NME7: variants seen among roughly 807,000 people sequenced by gnomAD.
NME7 encodes NME/NM23 family member 7, also known as nucleoside diphosphate kinase 7.
A neutral mutation model predicts 49.1 loss-of-function variants in NME7; 41 were observed. The observed-to-expected ratio is 0.83, with a 90% confidence interval of 0.65 to 1.08. The LOEUF (loss-of-function observed/expected upper bound fraction) is 1.08. Among genes scored for constraint, NME7 ranks in the 50% least tolerant of loss-of-function variants. The pLI, the probability that NME7 is intolerant of heterozygous loss-of-function variation, is 0.00. For missense variants in NME7, 423 were observed against 463.4 expected (o/e 0.91, Z 0.80); for synonymous variants, 139 against 150.6 (o/e 0.92, Z 0.56).
chr1:169,331,816 C>CAA (rs35728129), intron 1 of NME7, among the ~76,000 whole-genome samples: 6,107 of 148,702 alleles, frequency 0.041, 357 homozygotes, highest in African/African-American at 0.13. Context: ...TGAAAAAGAC[C>CAA]AAAAAAAAAA....
rs1036179760 is a variant in NME7 at position 169,300,040 on chromosome 1, T to C, written c.441-1277A>G. On this transcript the variant is annotated intron_variant, in intron 5 of 11. Transcript: ENST00000367811. Reference sequence around the variant, plus strand: ...CAAAACACACAATTGAATAAGCCTATGAATATGGCATGTAACAATATAGGG... The same window carrying C: ...CAAAACACACAATTGAATAAGCCTACGAATATGGCATGTAACAATATAGGG... Among the ~76,000 whole-genome samples, 3 of 152,294 alleles carry C rather than the reference T, an allele frequency of 2.0e-5. No homozygotes were observed. The East Asian group carries it at 5.8e-4, about 29-fold the overall frequency.
At position 169,203,291 on chromosome 1, in the gene NME7, G is replaced by A. The variant is rs193206755; in HGVS notation, c.990+27427C>T. Among the ~76,000 whole-genome samples the A allele has an allele frequency of 6.0e-4, 91 of 152,252 alleles. 1 individual carries two copies. Among genetic ancestry groups the A allele is most frequent in the African/African-American group, 2.0e-3 (83 of 41,572 alleles). ...CAGCCCTCAATGTTTTCTTATAAAA[G>A]TCTTTGTATTCAACTGTACAAATGG... is the stretch of plus-strand genomic sequence containing the variant. On this transcript the variant is annotated intron_variant, in intron 10 of 11. Coordinates refer to ENST00000367811, the MANE Select transcript of NME7 (RefSeq NM_013330.5).
intron 7 of NME7, among the ~76,000 whole-genome samples, chr1:169,239,486 C>T (rs772148461): frequency 6.6e-6 from 1 of 151,712 alleles, no homozygotes; most frequent in Non-Finnish European, 1.5e-5. Context: ...ATGATGAAAC[C>T]AAATTAATAA....
In NME7 at chr1:169,355,144, A is replaced by AAT. The variant is rs1355330113; in HGVS notation, c.3+12562_3+12563dup. Among the ~76,000 whole-genome samples the AAT allele has an allele frequency of 3.1e-3, 96 of 31,356 alleles. 24 individuals carry two copies. In the East Asian group the frequency reaches 0.057, roughly 19 times the overall value. The allele number at this position is 31,356 out of a possible 152,430, so 20.6% of individuals were successfully genotyped here. On this transcript the variant is annotated intron_variant, in intron 1 of 11. Coordinates refer to ENST00000367811, the MANE Select transcript of NME7 (RefSeq NM_013330.5). ...ACTATATATTATAGATATAATATAT[A>AAT]ATATACTATATATTATAGATATAAT...
chr1:169,366,595 A>G (rs1345197932), intron 1 of NME7, among the ~76,000 whole-genome samples: 2 of 152,250 alleles, frequency 1.3e-5, no homozygotes, highest in Non-Finnish European at 2.9e-5. Flanking sequence ...AAATGAGATC[A>G]AGAGCAAAGA....
At chr1:169,355,365 TATACACACAC>T (rs1185541608) in intron 1 of NME7, among the ~76,000 whole-genome samples, 1 of 64,846 alleles carries the variant, frequency 1.5e-5, no homozygotes, top group Non-Finnish European at 3.3e-5. Flanking sequence ...AAATATATAT[TATACACACAC>T]ACACACACAC....
In NME7 at chr1:169,342,576, G is replaced by GTA. The variant is rs557502839; in HGVS notation, c.4-18078_4-18077dup. On this transcript the variant is annotated intron_variant, in intron 1 of 11. Coordinates refer to ENST00000367811, the MANE Select transcript of NME7 (RefSeq NM_013330.5). ...ATATATATACAAGTACATATATATAGTATATATATATATACAAGTACATAT... is the reference window on the plus strand; with the variant it reads ...ATATATATACAAGTACATATATATAGTATATATATATATATACAAGTACATAT... Among the ~76,000 whole-genome samples the GTA allele has an allele frequency of 4.6e-4, 23 of 49,556 alleles. 4 individuals are homozygous for GTA. The highest frequency in any genetic ancestry group is 9.1e-4 in the Non-Finnish European group (16 of 17,638). The allele number at this position is 49,556 out of a possible 152,430, so 32.5% of individuals were successfully genotyped here. A position where few individuals can be genotyped will look rare whatever the true frequency, so the allele number is the denominator to read the frequency against.
chr1:169,212,177 T>C (rs1660843885), intron 10 of NME7, among the ~76,000 whole-genome samples: 1 of 152,186 alleles, frequency 6.6e-6, no homozygotes, highest in Non-Finnish European at 1.5e-5. Context: ...TTCTTTTCTT[T>C]AGCCAGAATA....
intron 3 of NME7, among the ~76,000 whole-genome samples, chr1:169,321,221 A>G (rs1651841081): frequency 6.6e-6 from 1 of 152,144 alleles, no homozygotes; most frequent in African/African-American, 2.4e-5. Flanking sequence ...TTAGCCAGGA[A>G]TAGTGGTGCA....
At chr1:169,350,950 G>A (rs1653151258) in intron 1 of NME7, among the ~76,000 whole-genome samples, 1 of 151,962 alleles carries the variant, frequency 6.6e-6, no homozygotes, top group African/African-American at 2.4e-5. Flanking sequence ...TAGATCAATA[G>A]TTCAAAAACA....
chr1:169,305,398 T>C (rs191988039), intron 4 of NME7, among the ~76,000 whole-genome samples: 2 of 152,336 alleles, frequency 1.3e-5, no homozygotes, highest in East Asian at 3.9e-4. Flanking sequence ...TACAAAGTCA[T>C]ACAGAACTCA....
intron 11 of NME7, among the ~76,000 whole-genome samples, chr1:169,136,134 T>C (rs1169146756): frequency 6.6e-6 from 1 of 151,996 alleles, no homozygotes; most frequent in Non-Finnish European, 1.5e-5. Flanking sequence ...GTGCCCGATA[T>C]AGTCATTACT....
chr1:169,229,632 T>C (rs907552977), intron 10 of NME7, among the ~76,000 whole-genome samples: 2 of 152,214 alleles, frequency 1.3e-5, no homozygotes, highest in Non-Finnish European at 2.9e-5. Context: ...GATTTCTTAA[T>C]AGATGCTGTG....
intron 10 of NME7, among the ~76,000 whole-genome samples, chr1:169,218,238 T>C (rs570866600): frequency 6.6e-6 from 1 of 152,260 alleles, no homozygotes; most frequent in Non-Finnish European, 1.5e-5. Context: ...CCTCACCTAC[T>C]TCCCTCTGTA....
At chr1:169,258,375 C>CATATATATATATATAT (rs71121749) in intron 7 of NME7, among the ~76,000 whole-genome samples, 1 of 86,764 alleles carries the variant, frequency 1.2e-5, no homozygotes, top group African/African-American at 4.1e-5. Context: ...TAAAATAAAA[C>CATATATATATATATAT]ATATATATAT....
intron 11 of NME7, among the ~76,000 whole-genome samples, chr1:169,158,746 C>T (rs1289042902): frequency 2.0e-5 from 3 of 152,140 alleles, no homozygotes; most frequent in Non-Finnish European, 4.4e-5. Context: ...GTCAAATCCC[C>T]GAGTTGCTAA....
intron 1 of NME7, among the ~76,000 whole-genome samples, chr1:169,332,196 G>T (rs1652284070): frequency 6.6e-6 from 1 of 152,030 alleles, no homozygotes. Flanking sequence ...TTCAACAAAA[G>T]TGCAAACAAG....
chr1:169,217,561 A>G (rs1661006018), intron 10 of NME7, among the ~76,000 whole-genome samples: 1 of 152,218 alleles, frequency 6.6e-6, no homozygotes, highest in African/African-American at 2.4e-5. Context: ...CTTGTATTAC[A>G]TTCGTATTGG....
At chr1:169,309,902 G>T in intron 4 of NME7, 68 bp downstream of exon 4, 1 of 951,572 alleles carries the variant, frequency 1.1e-6, no homozygotes, top group Non-Finnish European at 1.6e-6. Flanking sequence ...ACAATGACAA[G>T]AAAGACAGAA....
Sources: gnomAD v4.1 joint callset for allele counts (sites outside exome capture counted in the v4.1 genomes callset) on GRCh38, gnomAD v4.1.1 for gene constraint, MANE v1.5 for transcripts, NCBI Gene and HGNC (gene_info 2026-07-23, HGNC 2026-07-21) for gene names.